The following TMEM135 variants were observed in gnomAD, a reference collection of about 807,000 sequenced individuals.
TMEM135 encodes transmembrane protein 135.
TMEM135 carries 30 observed loss-of-function variants against 60.3 expected under a neutral mutation model. That is an observed-to-expected ratio of 0.50 (90% CI 0.37 to 0.68). The LOEUF (loss-of-function observed/expected upper bound fraction) is 0.68, where lower values mean the gene tolerates loss of function less well. Ranked by LOEUF, TMEM135 falls within the 30% of genes least tolerant of loss-of-function variation. TMEM135 has a pLI of 0.00. For missense variants in TMEM135, 468 were observed against 548.8 expected, an observed-to-expected ratio of 0.85 and a Z score of 1.47; for synonymous variants, 190 against 186.7, an observed-to-expected ratio of 1.02 and a Z score of -0.14.
At position 87,233,811 on chromosome 11, in the gene TMEM135, C is replaced by G. The variant is rs142172782; in HGVS notation, c.463-2827C>G. Among the ~76,000 whole-genome samples the G allele has an allele frequency of 2.0e-3, 303 of 152,038 alleles. 1 individual carries two copies. The highest frequency in any genetic ancestry group is 7.0e-3 in the African/African-American group (289 of 41,506). On this transcript the variant is annotated intron_variant, in intron 5 of 14. Coordinates refer to ENST00000305494, the MANE Select transcript of TMEM135 (RefSeq NM_022918.4). The stretch of plus-strand genomic sequence containing the variant: ...TCAGTGAGTATGGGCATATCACTTA[C>G]CTTTTCAGGATCTGAGTTTCCTGAT...
At chr11:87,106,400 G>A (rs1591023635) in intron 4 of TMEM135, among the ~76,000 whole-genome samples, 2 of 152,044 alleles carry the variant, frequency 1.3e-5, no homozygotes, top group South Asian at 2.1e-4. Context: ...CACTGCACCC[G>A]GCTAACTGAC....
intron 5 of TMEM135, among the ~76,000 whole-genome samples, chr11:87,219,474 G>T (rs1202831296): frequency 6.6e-6 from 1 of 152,010 alleles, no homozygotes; most frequent in Non-Finnish European, 1.5e-5. Context: ...GGCGGGGCTG[G>T]GGGGAGAGAG....
chr11:87,045,765 ATTAT>A (rs1388747103), intron 1 of TMEM135, among the ~76,000 whole-genome samples: 4 of 152,178 alleles, frequency 2.6e-5, no homozygotes, highest in African/African-American at 4.8e-5. Context: ...CTTTCTTTTC[ATTAT>A]TTGCCAATAA....
At chr11:87,138,853 C>T (rs539678253) in intron 4 of TMEM135, among the ~76,000 whole-genome samples, 1 of 152,238 alleles carries the variant, frequency 6.6e-6, no homozygotes, top group South Asian at 2.1e-4. Context: ...TATTTTTCTT[C>T]ATGATCAAGT....
rs372888222 is a variant in TMEM135, at chr11:87,186,643, A to G, written c.462+29237A>G. Among the ~76,000 whole-genome samples, 20 of 152,348 alleles carry G rather than the reference A, an allele frequency of 1.3e-4. No homozygotes were observed. The South Asian group carries it at 3.9e-3, about 30-fold the overall frequency. Reference sequence around the variant, plus strand: ...TAAAGCTGATTAAAATTTTTCTCACAGGAGATTTGAATAATTCACATTGTA... The same window carrying G: ...TAAAGCTGATTAAAATTTTTCTCACGGGAGATTTGAATAATTCACATTGTA... On this transcript the variant is annotated intron_variant, in intron 5 of 14. Coordinates refer to ENST00000305494, the MANE Select transcript of TMEM135 (RefSeq NM_022918.4).
chr11:87,274,525 T>G (rs1249384662), intron 6 of TMEM135, among the ~76,000 whole-genome samples: 1 of 152,212 alleles, frequency 6.6e-6, no homozygotes, highest in Non-Finnish European at 1.5e-5. Context: ...GCTAAATATC[T>G]TCTTGTGCTT....
chr11:87,170,936 A>G (rs1591075167), intron 5 of TMEM135, among the ~76,000 whole-genome samples: 1 of 152,130 alleles, frequency 6.6e-6, no homozygotes, highest in Admixed American at 6.6e-5. Flanking sequence ...TGGGAGTTCT[A>G]TCTATAAGCC....
intron 3 of TMEM135, among the ~76,000 whole-genome samples, chr11:87,073,230 T>C (rs1856804635): frequency 6.6e-6 from 1 of 152,114 alleles, no homozygotes; most frequent in Admixed American, 6.5e-5. Flanking sequence ...AGACGGGGTT[T>C]CACTTTGTTG....
chr11:87,238,681 A>T (rs565479595), intron 6 of TMEM135, among the ~76,000 whole-genome samples: 1 of 152,226 alleles, frequency 6.6e-6, no homozygotes, highest in Admixed American at 6.6e-5. Context: ...TCTTAATTGT[A>T]TTCAGACACA....
At chr11:87,122,309 G>GTTTTT (rs11367827) in intron 4 of TMEM135, among the ~76,000 whole-genome samples, 2 of 110,360 alleles carry the variant, frequency 1.8e-5, no homozygotes, top group Admixed American at 9.6e-5. Context: ...GTTTTGCTAG[G>GTTTTT]TTTTTTTTTT....
chr11:87,077,609 A>G (rs907601461), intron 3 of TMEM135, among the ~76,000 whole-genome samples: 1 of 152,246 alleles, frequency 6.6e-6, no homozygotes, highest in Non-Finnish European at 1.5e-5. Context: ...GTCATAATTC[A>G]TATTCCATAC....
intron 1 of TMEM135, among the ~76,000 whole-genome samples, chr11:87,045,281 C>T (rs978657423): frequency 3.9e-5 from 6 of 152,072 alleles, no homozygotes; most frequent in African/African-American, 4.8e-5. Flanking sequence ...CCGCCCGCCT[C>T]GGCCTCCCAA....
At chr11:87,285,483 T>C (rs1591168700) in intron 6 of TMEM135, among the ~76,000 whole-genome samples, 1 of 152,108 alleles carries the variant, frequency 6.6e-6, no homozygotes, top group Admixed American at 6.5e-5. Flanking sequence ...GCTTCAGGAG[T>C]GTAGCTGCAG....
intron 5 of TMEM135, among the ~76,000 whole-genome samples, chr11:87,208,516 A>G (rs1468548844): frequency 8.6e-6 from 1 of 115,702 alleles, no homozygotes; most frequent in African/African-American, 3.1e-5. Flanking sequence ...AAAAATAAAG[A>G]AAAGAAATTT....
At chr11:87,129,629 C>T (rs1046067056) in intron 4 of TMEM135, among the ~76,000 whole-genome samples, 1 of 150,312 alleles carries the variant, frequency 6.7e-6, no homozygotes, top group African/African-American at 2.5e-5. Context: ...CAACCTCTGC[C>T]CCCCGGGTTC....
intron 6 of TMEM135, among the ~76,000 whole-genome samples, chr11:87,237,014 GT>G (rs1169117600): frequency 6.6e-6 from 1 of 151,846 alleles, no homozygotes; most frequent in African/African-American, 2.4e-5. Flanking sequence ...ATACCTAAGT[GT>G]TTTTCACTCT....
At chr11:87,172,153 A>C in intron 5 of TMEM135, among the ~76,000 whole-genome samples, 1 of 152,152 alleles carries the variant, frequency 6.6e-6, no homozygotes. Flanking sequence ...CCATCACCAA[A>C]GACTTTGTCT....
chr11:87,095,654 G>A (rs888061424), intron 4 of TMEM135: 10 of 195,422 alleles, frequency 5.1e-5, no homozygotes, highest in African/African-American at 2.4e-4. Flanking sequence ...TTGGATACTA[G>A]GATTTGCAGG....
chr11:87,232,445 A>G (rs1261050983), intron 5 of TMEM135, among the ~76,000 whole-genome samples: 1 of 152,080 alleles, frequency 6.6e-6, no homozygotes, highest in Non-Finnish European at 1.5e-5. Flanking sequence ...AATAATTCCT[A>G]CTACAGGAAA....
Sources: allele counts gnomAD v4.1 joint callset (sites outside exome capture counted in the v4.1 genomes callset), GRCh38; gene constraint gnomAD v4.1.1; transcripts MANE v1.5; gene names NCBI Gene and HGNC (gene_info 2026-07-23, HGNC 2026-07-21).